The following TET3 variants were observed in gnomAD, a reference collection of about 807,000 sequenced individuals.
TET3 encodes the protein methylcytosine dioxygenase TET3.
Under a neutral mutation model 141.4 loss-of-function variants are expected in TET3, and 19 were observed. The observed-to-expected ratio is 0.13, with a 90% CI of 0.09 to 0.20. The LOEUF (loss-of-function observed/expected upper bound fraction) is 0.20, where lower values mean the gene tolerates loss of function less well. Among genes scored for constraint, TET3 ranks in the 10% least tolerant of loss-of-function variants. The probability of loss-of-function intolerance (pLI) is 1.00; values close to 1 mark genes in which losing one functional copy is unlikely to be tolerated. For synonymous variants in TET3, 1,043 were observed against 980.9 expected (o/e 1.06, Z -1.18); for missense variants, 1,874 against 2,356.9 (o/e 0.80, Z 4.24).
chr2:74,057,797 T>C (rs1688294909), intron 4 of TET3, among the ~76,000 whole-genome samples: 1 of 152,186 alleles, frequency 6.6e-6, no homozygotes, highest in Non-Finnish European at 1.5e-5. Flanking sequence ...AGAAGATTGA[T>C]TAACAAATAA....
the TET3 span, chr2:74,120,828 G>A: frequency 6.6e-6 from 1 of 152,312 alleles, no homozygotes; most frequent in East Asian, 1.9e-4. Context: ...GAACTGGAAG[G>A]AGAAAGAATA....
rs1424524768 is a variant in TET3 at position 74,100,824 on chromosome 2, C to A, written c.4036C>A (p.Pro1346Thr). ...TGCCGAGCTGCCCAGCCAGGCTGTT[C>A]CCACAGACGCCCACCACCCCACTCC... is the stretch of plus-strand genomic sequence containing the variant. ...EFAELPSQAV[P>T]TDAHHPTPHH... The change falls in exon 12 of 12, where the codon CCC (proline) becomes ACC (threonine). Residue 1346 changes from proline (P) to threonine (T), a missense_variant. Coordinates refer to ENST00000409262, the MANE Select transcript of TET3 (RefSeq NM_001287491.2). 1 of 1,612,142 alleles carries A rather than the reference C, an allele frequency of 6.2e-7. No individual in the cohort carries two copies. The highest frequency in any genetic ancestry group is 8.5e-7 in the Non-Finnish European group (1 of 1,179,304).
intron 3 of TET3, among the ~76,000 whole-genome samples, chr2:74,031,650 C>T (rs1686693857): frequency 6.6e-6 from 1 of 152,206 alleles, no homozygotes; most frequent in Non-Finnish European, 1.5e-5. Flanking sequence ...AATGGCATTT[C>T]CTAGCCTACT....
the TET3 span, among the ~76,000 whole-genome samples, chr2:74,117,211 G>A: frequency 6.6e-6 from 1 of 152,070 alleles, no homozygotes; most frequent in African/African-American, 2.4e-5. Context: ...CAAGTAGCTG[G>A]GATTACAGGT....
At chr2:73,984,803 GC>G (rs1375676297), upstream of TET3, among the ~76,000 whole-genome samples, 1 of 148,454 alleles carries the variant, frequency 6.7e-6, no homozygotes, top group Non-Finnish European at 1.5e-5. The surrounding 1 kb of genome is among the most constrained non-coding windows in gnomAD (Gnocchi z 5.6). Flanking sequence ...CTCTCGCCCG[GC>G]CCGGGGCCCG....
At chr2:74,117,722 T>G in the TET3 span, among the ~76,000 whole-genome samples, 1 of 151,916 alleles carries the variant, frequency 6.6e-6, no homozygotes, top group African/African-American at 2.4e-5. Flanking sequence ...TTTTATCATG[T>G]TCTACCATAA....
rs541555684 is a variant in TET3 at position 74,013,576 on chromosome 2, G to A, written c.360+10410G>A. On this transcript the variant is annotated intron_variant, in intron 3 of 11. Coordinates refer to ENST00000409262, the MANE Select transcript of TET3 (RefSeq NM_001287491.2). ...TGTAATCCCAGCTCTTTGGGAGGCC[G>A]AGGTGGGTGGATCACGAGGTCAGGA... Among the ~76,000 whole-genome samples the A allele has an allele frequency of 1.4e-4, 22 of 152,060 alleles. No individual in the cohort carries two copies. The South Asian group carries it at 2.7e-3, about 19-fold the overall frequency.
downstream of TET3, among the ~76,000 whole-genome samples, chr2:74,110,427 A>G (rs568244532): frequency 6.6e-6 from 1 of 152,244 alleles, no homozygotes; most frequent in Admixed American, 6.5e-5. Flanking sequence ...TTTGTCTCCC[A>G]TTGTACTCTG....
intron 2 of TET3, among the ~76,000 whole-genome samples, chr2:73,999,236 C>G (rs1004997621): frequency 5.0e-4 from 76 of 152,278 alleles, no homozygotes; most frequent in African/African-American, 1.8e-3. Context: ...GGCTGTGCTG[C>G]TGCAAGTGAG....
chr2:74,007,245 C>T (rs1685197419), intron 3 of TET3, among the ~76,000 whole-genome samples: 1 of 152,206 alleles, frequency 6.6e-6, no homozygotes, highest in East Asian at 1.9e-4. Flanking sequence ...ACATGGCAGA[C>T]AGAATCCTCA....
chr2:74,078,381 G>T (rs1025113706), intron 5 of TET3, among the ~76,000 whole-genome samples: 11 of 152,146 alleles, frequency 7.2e-5, no homozygotes, highest in Non-Finnish European at 1.0e-4. Flanking sequence ...ATATAGAGAA[G>T]TTTTAAACCA....
At chr2:73,985,562 A>G (rs946931522) in intron 1 of TET3, among the ~76,000 whole-genome samples, 3 of 147,982 alleles carry the variant, frequency 2.0e-5, no homozygotes, top group African/African-American at 7.4e-5. Flanking sequence ...CCCCACCTCC[A>G]GGCGGCTTCC....
In TET3 at chr2:74,089,883, G is replaced by A; in HGVS notation, c.2889-14G>A. The A allele has an allele frequency of 6.2e-7, 1 of 1,613,992 alleles. No individual in the cohort carries two copies. Among genetic ancestry groups the A allele is most frequent in the Non-Finnish European group, 8.5e-7 (1 of 1,179,854 alleles). On this transcript the variant is annotated splice_polypyrimidine_tract_variant and intron_variant, in intron 7 of 11. Transcript: ENST00000409262. ...TATTGCATCTATATCCCTGACCTGT[G>A]CTGTGTGTTGCAGCCGGACCTGCGC... is the stretch of plus-strand genomic sequence containing the variant.
At chr2:74,007,014 C>T (rs1685186575) in intron 3 of TET3, among the ~76,000 whole-genome samples, 1 of 152,158 alleles carries the variant, frequency 6.6e-6, no homozygotes. Context: ...CTTTCAACAT[C>T]CACCAAGTAT....
intron 2 of TET3, chr2:74,002,868 CGG>C: frequency 5.3e-6 from 3 of 568,010 alleles, no homozygotes; most frequent in Non-Finnish European, 9.5e-6. Flanking sequence ...TCTCGGATCT[CGG>C]GGGGATTCTC....
chr2:74,119,702 A>C, the TET3 span, among the ~76,000 whole-genome samples: 3 of 152,234 alleles, frequency 2.0e-5, no homozygotes, highest in Admixed American at 1.3e-4. Context: ...TAATAGTTTC[A>C]GCTTCCACTG....
downstream of TET3, among the ~76,000 whole-genome samples, chr2:74,109,526 C>G (rs947028411): frequency 1.3e-5 from 2 of 152,204 alleles, no homozygotes; most frequent in African/African-American, 4.8e-5. Flanking sequence ...TATCACCAAA[C>G]TCTTTAACAT....
chr2:74,009,709 A>T (rs1043537041), intron 3 of TET3, among the ~76,000 whole-genome samples: 1 of 152,102 alleles, frequency 6.6e-6, no homozygotes, highest in Admixed American at 6.5e-5. Context: ...CAGCTTTAAG[A>T]CCTAGACTGA....
At chr2:74,007,882 G>A (rs1017862305) in intron 3 of TET3, among the ~76,000 whole-genome samples, 6 of 152,176 alleles carry the variant, frequency 3.9e-5, no homozygotes, top group Non-Finnish European at 7.3e-5. Context: ...TTTGTACAGC[G>A]AGTTTGCAGC....
Sources: allele counts gnomAD v4.1 joint callset (sites outside exome capture counted in the v4.1 genomes callset), GRCh38; gene constraint gnomAD v4.1.1; non-coding constraint Gnocchi (gnomAD v3.1); transcripts MANE v1.5; gene names NCBI Gene and HGNC (gene_info 2026-07-23, HGNC 2026-07-21).